Variants in KCNQ5 observed in about 807,000 individuals in gnomAD.
KCNQ5 encodes the protein potassium voltage-gated channel subfamily KQT member 5.
KCNQ5 carries 30 observed loss-of-function variants against 98.2 expected under a neutral mutation model. The ratio of observed to expected loss-of-function variants is 0.31; its 90% confidence interval spans 0.23 to 0.41. KCNQ5 has a LOEUF of 0.41. Ranked by LOEUF, KCNQ5 falls within the 10% of genes least tolerant of loss-of-function variation. The probability of loss-of-function intolerance (pLI) is 1.00; values close to 1 mark genes in which losing one functional copy is unlikely to be tolerated. For synonymous variants in KCNQ5, 458 were observed against 449.4 expected, an observed-to-expected ratio of 1.02 and a Z score of -0.24; for missense variants, 835 against 1,182.5, an observed-to-expected ratio of 0.71 and a Z score of 4.31.
intron 7 of KCNQ5, among the ~76,000 whole-genome samples, chr6:73,113,268 T>C (rs1775329377): frequency 1.3e-5 from 2 of 152,250 alleles, no homozygotes; most frequent in African/African-American, 4.8e-5. Context: ...AACCTGTGAG[T>C]GCAGAAGTTA....
Position 73,169,779 on chromosome 6 carries a change from A to G in KCNQ5, c.1502A>G (p.Asp501Gly), listed in dbSNP as rs777230960. Reference protein sequence around the residue: ...DTALGTDDVYDEKGCQCDVSV... With the variant: ...DTALGTDDVYGEKGCQCDVSV... ...GCCCTTGGCACTGATGATGTATATG[A>G]TGAAAAAGGATGCCAGTGTGATGTA... Residue 501 changes from aspartate to glycine, a missense_variant, in exon 11 of 14, where the codon GAT (aspartate) becomes GGT (glycine). Transcript: ENST00000370398. 6.2e-7 allele frequency: 1 copy of G among 1,613,942 alleles called. No homozygotes were observed. The highest frequency in any genetic ancestry group is 8.5e-7 in the Non-Finnish European group (1 of 1,179,816).
At chr6:73,160,911 G>A (rs1215772393) in intron 10 of KCNQ5, among the ~76,000 whole-genome samples, 1 of 151,976 alleles carries the variant, frequency 6.6e-6, no homozygotes, top group African/African-American at 2.4e-5. Flanking sequence ...TGATTTTAAT[G>A]TGCAGCCAAG....
intron 1 of KCNQ5, among the ~76,000 whole-genome samples, chr6:72,661,514 T>C (rs1410226624): frequency 6.6e-6 from 1 of 152,004 alleles, no homozygotes; most frequent in Non-Finnish European, 1.5e-5. Context: ...ACATAGAAGA[T>C]TTTTTTTCCC....
At chr6:73,089,267 A>T (rs1281361226) in intron 5 of KCNQ5, among the ~76,000 whole-genome samples, 1 of 152,210 alleles carries the variant, frequency 6.6e-6, no homozygotes, top group African/African-American at 2.4e-5. Context: ...TCAGGTATTG[A>T]TACATTCTAT....
intron 1 of KCNQ5, among the ~76,000 whole-genome samples, chr6:72,947,025 T>C (rs1421854298): frequency 6.6e-6 from 1 of 152,130 alleles, no homozygotes. Context: ...TTTCCACCAG[T>C]GATTATTTTA....
intron 1 of KCNQ5, among the ~76,000 whole-genome samples, chr6:72,638,750 T>A (rs2098925592): frequency 6.6e-6 from 1 of 152,196 alleles, no homozygotes; most frequent in South Asian, 2.1e-4. Context: ...ATAAATCTGT[T>A]ATGTTTTTGT....
At chr6:73,138,113 G>T (rs563069532) in intron 10 of KCNQ5, among the ~76,000 whole-genome samples, 91 of 152,300 alleles carry the variant, frequency 6.0e-4, no homozygotes, top group African/African-American at 1.9e-3. Context: ...TCAAGTATCT[G>T]GGAAGAGACT....
intron 1 of KCNQ5, chr6:72,677,301 A>C (rs1308867102): frequency 1.3e-5 from 2 of 152,190 alleles, no homozygotes. Flanking sequence ...GAGATTGATT[A>C]TCTTTAGGGA....
intron 1 of KCNQ5, among the ~76,000 whole-genome samples, chr6:72,947,270 A>G (rs1766592001): frequency 6.6e-6 from 1 of 152,146 alleles, no homozygotes; most frequent in Admixed American, 6.6e-5. Context: ...GTTTCACACT[A>G]CAAATTTGAG....
rs561228082 is a variant in KCNQ5 at position 73,125,898 on chromosome 6, C to T, written c.1247+1386C>T. Among the ~76,000 whole-genome samples, 3 of 152,218 alleles carry T rather than the reference C, an allele frequency of 2.0e-5. No homozygotes were observed. In the East Asian group the frequency reaches 5.8e-4, roughly 29 times the overall value. On this transcript the variant is annotated intron_variant, in intron 9 of 13. Transcript: ENST00000370398. ...GAGATATTTCCAGAAAAAAGTCATT[C>T]TTCCCCACCTAAGAAACGTTTTTGA...
At chr6:73,051,929 G>A (rs992177273) in intron 3 of KCNQ5, among the ~76,000 whole-genome samples, 1 of 152,096 alleles carries the variant, frequency 6.6e-6, no homozygotes, top group African/African-American at 2.4e-5. Context: ...AATGTGGATA[G>A]GAACAGAGAT....
intron 1 of KCNQ5, among the ~76,000 whole-genome samples, chr6:72,844,390 G>A (rs1168940212): frequency 9.2e-5 from 14 of 152,134 alleles, no homozygotes; most frequent in Admixed American, 8.5e-4. Context: ...GTAAATAGGA[G>A]AATCATCTTT....
intron 1 of KCNQ5, among the ~76,000 whole-genome samples, chr6:72,905,151 T>G (rs1779652576): frequency 1.3e-5 from 2 of 152,232 alleles, no homozygotes; most frequent in Admixed American, 6.5e-5. Flanking sequence ...TTTATTCTAC[T>G]TGTTCAATTC....
intron 1 of KCNQ5, among the ~76,000 whole-genome samples, chr6:72,715,506 C>CA (rs1769603028): frequency 6.6e-6 from 1 of 152,142 alleles, no homozygotes; most frequent in African/African-American, 2.4e-5. Flanking sequence ...CAGACAAGAT[C>CA]ACGAAGCACA....
In KCNQ5 at chr6:72,816,794, C is replaced by T. The variant is rs574804215; in HGVS notation, c.399-187114C>T. 2.8e-3 allele frequency among the ~76,000 whole-genome samples: 420 copies of T among 152,276 alleles called. 2 individuals carry two copies. Among genetic ancestry groups the T allele is most frequent in the Non-Finnish European group, 4.5e-3 (306 of 68,026 alleles). On this transcript the variant is annotated intron_variant, in intron 1 of 13. Transcript: ENST00000370398. The stretch of plus-strand genomic sequence containing the variant: ...ATTACCTTATCTCTTTATTCATTGT[C>T]TTTCCATTCCCATTGTCTTAGTAAT...
rs529390909 is a variant in KCNQ5, at chr6:72,894,296, G to A, written c.399-109612G>A. ...TTTAAAGAGGAAGTAATCTGGAAAA[G>A]AGCCATGAATAACAGAATTACCCAG... On this transcript the variant is annotated intron_variant, in intron 1 of 13. Coordinates refer to ENST00000370398, the MANE Select transcript of KCNQ5 (RefSeq NM_019842.4). Among the ~76,000 whole-genome samples, 13 of 152,256 alleles carry A rather than the reference G, an allele frequency of 8.5e-5. No homozygotes were observed. In the East Asian group the frequency reaches 2.5e-3, roughly 29 times the overall value.
At chr6:72,649,237 A>G (rs1765756461) in intron 1 of KCNQ5, among the ~76,000 whole-genome samples, 1 of 152,136 alleles carries the variant, frequency 6.6e-6, no homozygotes, top group African/African-American at 2.4e-5. Flanking sequence ...ACAGTTTTGG[A>G]TCACAGCCTC....
At chr6:73,042,945 C>G (rs1046830376) in intron 3 of KCNQ5, 1 of 170,400 alleles carries the variant, frequency 5.9e-6, no homozygotes, top group Non-Finnish European at 1.4e-5. Context: ...AATCCAAATA[C>G]TGAAAATTCT....
chr6:72,872,679 C>A (rs1345393910), intron 1 of KCNQ5, among the ~76,000 whole-genome samples: 6 of 152,000 alleles, frequency 3.9e-5, no homozygotes, highest in Admixed American at 3.9e-4. Flanking sequence ...CCAGCACAGG[C>A]CTACACTTTG....
Sources: gnomAD v4.1 joint callset for allele counts (sites outside exome capture counted in the v4.1 genomes callset) on GRCh38, gnomAD v4.1.1 for gene constraint, MANE v1.5 for transcripts, NCBI Gene and HGNC (gene_info 2026-07-23, HGNC 2026-07-21) for gene names.